The following EXOC4 variants were observed in gnomAD, a reference collection of about 807,000 sequenced individuals.
The protein encoded by EXOC4 is SEC8-like 1.
Under a neutral mutation model 107.2 loss-of-function variants are expected in EXOC4, and 71 were observed. That is an observed-to-expected ratio of 0.66 (90% confidence interval 0.55 to 0.81). The LOEUF (loss-of-function observed/expected upper bound fraction) is 0.81. EXOC4 is among the 30% of genes least tolerant of loss of function. The probability of loss-of-function intolerance (pLI) is 0.00; values close to 1 mark genes in which losing one functional copy is unlikely to be tolerated. For synonymous variants in EXOC4, 456 were observed against 441.2 expected, an observed-to-expected ratio of 1.03 and a Z score of -0.42; for missense variants, 1,108 against 1,189.6, an observed-to-expected ratio of 0.93 and a Z score of 1.01.
intron 14 of EXOC4, among the ~76,000 whole-genome samples, chr7:133,988,206 G>C (rs972150294): frequency 1.3e-5 from 2 of 152,118 alleles, no homozygotes; most frequent in Non-Finnish European, 2.9e-5. Flanking sequence ...AAAGAACTTG[G>C]GGTATAGGGA....
chr7:133,356,333 G>C lies in EXOC4; in HGVS notation c.767G>C (p.Arg256Thr), dbSNP rs775220009. Residue 256 changes from arginine (R) to threonine (T), a missense_variant, in exon 6 of 18, where the codon AGG (arginine) becomes ACG (threonine). Coordinates refer to ENST00000253861, the MANE Select transcript of EXOC4 (RefSeq NM_021807.4). ...TTGTTATTATTTAATTTTTCAGTGA[G>C]GGAGATAAATCTGCAGGACATCAAG... The part of the protein sequence containing the change: ...HYSTAGSSSV[R>T]EINLQDIKED... The C allele has an allele frequency of 3.1e-6, 5 of 1,613,436 alleles. No individual in the cohort carries two copies. The highest frequency in any genetic ancestry group is 3.4e-6 in the Non-Finnish European group (4 of 1,179,766).
At chr7:133,548,823 G>A (rs748915309) in intron 9 of EXOC4, among the ~76,000 whole-genome samples, 7 of 152,154 alleles carry the variant, frequency 4.6e-5, no homozygotes, top group Non-Finnish European at 7.3e-5. Context: ...CGCCATGTAA[G>A]AAATGAGGCT....
intron 11 of EXOC4, among the ~76,000 whole-genome samples, chr7:133,889,428 T>A (rs554198163): frequency 2.4e-4 from 36 of 151,172 alleles, no homozygotes; most frequent in African/African-American, 4.8e-4. Flanking sequence ...TATTATTATT[T>A]TTTTTAATTA....
chr7:133,325,918 C>T (rs199936853), intron 5 of EXOC4, among the ~76,000 whole-genome samples: 2 of 152,110 alleles, frequency 1.3e-5, no homozygotes, highest in South Asian at 4.1e-4. Flanking sequence ...TTTCTTTTTA[C>T]TCTTTTTTCT....
At chr7:133,554,963 T>C (rs1347395703) in intron 9 of EXOC4, among the ~76,000 whole-genome samples, 3 of 152,328 alleles carry the variant, frequency 2.0e-5, no homozygotes, top group African/African-American at 7.2e-5. Context: ...ATGATTTCTA[T>C]GGATAGAAAA....
At chr7:133,675,429 G>T (rs941609089) in intron 10 of EXOC4, among the ~76,000 whole-genome samples, 1 of 152,094 alleles carries the variant, frequency 6.6e-6, no homozygotes, top group African/African-American at 2.4e-5. Context: ...TGTTATCTTT[G>T]TTTTTATTTG....
At chr7:133,887,655 A>G (rs549215432) in intron 11 of EXOC4, among the ~76,000 whole-genome samples, 3 of 152,316 alleles carry the variant, frequency 2.0e-5, no homozygotes, top group Non-Finnish European at 4.4e-5. Context: ...TACCCCAGAG[A>G]TAGTTATCAA....
Position 134,064,648 on chromosome 7 carries a change from G to T in EXOC4, c.*120G>T. 1 of 639,624 alleles carries T rather than the reference G, an allele frequency of 1.6e-6. No homozygotes were observed. The highest frequency in any genetic ancestry group is 2.5e-6 in the Non-Finnish European group (1 of 393,620). The allele number at this position is 639,624 out of a possible 1,614,324, so 39.6% of individuals were successfully genotyped here. A position where few individuals can be genotyped will look rare whatever the true frequency, so the allele number is the denominator to read the frequency against. On this transcript the variant is annotated 3_prime_UTR_variant, in exon 18 of 18. Transcript: ENST00000253861. ...TACAGTGATACTTTAGTGGAGAGGA[G>T]GTGTAAGGATTCTTTCTCTCTGGTT... is the stretch of plus-strand genomic sequence containing the variant.
chr7:133,569,127 A>AG (rs1302966528), intron 9 of EXOC4, among the ~76,000 whole-genome samples: 2 of 149,478 alleles, frequency 1.3e-5, no homozygotes, highest in African/African-American at 2.5e-5. Flanking sequence ...ACTCCCTTTG[A>AG]GAAAAAAAAG....
chr7:133,855,067 ATC>A (rs1176738255), intron 11 of EXOC4, among the ~76,000 whole-genome samples: 2 of 76,376 alleles, frequency 2.6e-5, no homozygotes, highest in Admixed American at 1.3e-4. Context: ...ATCTAAATAT[ATC>A]TAAATATATC....
chr7:133,909,359 A>G (rs1799637847), intron 12 of EXOC4, among the ~76,000 whole-genome samples: 1 of 152,198 alleles, frequency 6.6e-6, no homozygotes, highest in African/African-American at 2.4e-5. Context: ...TGATGTGATT[A>G]AACAAAACAA....
rs544511026 is a variant in EXOC4 at position 133,595,612 on chromosome 7, G to A, written c.1418-34433G>A. 1.1e-4 allele frequency among the ~76,000 whole-genome samples: 17 copies of A among 152,216 alleles called. 1 individual carries two copies. The South Asian group carries it at 2.1e-3, about 19-fold the overall frequency. On this transcript the variant is annotated intron_variant, in intron 9 of 17. Coordinates refer to ENST00000253861, the MANE Select transcript of EXOC4 (RefSeq NM_021807.4). ...ATGATCTCATTTAATCCTTGTTATA[G>A]CCTTATGAGCTATAACTCCCCTTAT...
At chr7:134,031,416 A>G (rs1380774018) in intron 17 of EXOC4, among the ~76,000 whole-genome samples, 2 of 152,122 alleles carry the variant, frequency 1.3e-5, no homozygotes, top group East Asian at 3.9e-4. Context: ...TTTATGGGTT[A>G]TGGAAAGACA....
Position 133,877,387 on chromosome 7 carries a change from A to G in EXOC4, c.1735-18212A>G, listed in dbSNP as rs1374779962. Among the ~76,000 whole-genome samples, 3 of 152,130 alleles carry G rather than the reference A, an allele frequency of 2.0e-5. No individual in the cohort carries two copies. In the East Asian group the frequency reaches 5.8e-4, roughly 29 times the overall value. On this transcript the variant is annotated intron_variant, in intron 11 of 17. Transcript: ENST00000253861. ...ACATTGTTAAGTGCTGGATGTTGTTATAGTTCTTTAAATATTGTTGAACTT... is the reference window on the plus strand; with the variant it reads ...ACATTGTTAAGTGCTGGATGTTGTTGTAGTTCTTTAAATATTGTTGAACTT...
At chr7:133,407,021 C>T (rs184731790) in intron 7 of EXOC4, among the ~76,000 whole-genome samples, 1 of 152,262 alleles carries the variant, frequency 6.6e-6, no homozygotes, top group East Asian at 1.9e-4. Context: ...TTCCTCTGAG[C>T]CCTCTTCTCA....
intron 2 of EXOC4, among the ~76,000 whole-genome samples, chr7:133,283,131 G>A (rs1053246279): frequency 2.6e-5 from 4 of 152,246 alleles, no homozygotes; most frequent in East Asian, 1.9e-4. Context: ...TTTGAGACAG[G>A]GTCGCACTCT....
At chr7:133,910,468 T>G (rs1167800347) in intron 12 of EXOC4, among the ~76,000 whole-genome samples, 1 of 152,226 alleles carries the variant, frequency 6.6e-6, no homozygotes, top group Non-Finnish European at 1.5e-5. Flanking sequence ...AAGTTGTCAT[T>G]CTCAGGTAGA....
intron 9 of EXOC4, among the ~76,000 whole-genome samples, chr7:133,502,622 C>A (rs1799595678): frequency 6.6e-6 from 1 of 151,926 alleles, no homozygotes; most frequent in African/African-American, 2.4e-5. Flanking sequence ...TATGTCAAGC[C>A]ATAGATGACC....
At chr7:133,402,355 G>A (rs1797109614) in intron 7 of EXOC4, among the ~76,000 whole-genome samples, 1 of 152,158 alleles carries the variant, frequency 6.6e-6, no homozygotes, top group South Asian at 2.1e-4. Flanking sequence ...TATCTATCGG[G>A]AATAAGTTGT....
Sources: allele counts gnomAD v4.1 joint callset (sites outside exome capture counted in the v4.1 genomes callset), GRCh38; gene constraint gnomAD v4.1.1; transcripts MANE v1.5; gene names NCBI Gene and HGNC (gene_info 2026-07-23, HGNC 2026-07-21).